Variants in BSND observed in about 807,000 individuals in gnomAD.
BSND encodes the protein barttin.
Under a neutral mutation model 18.8 loss-of-function variants are expected in BSND, and 13 were observed. The ratio of observed to expected loss-of-function variants is 0.69; its 90% CI spans 0.45 to 1.10. The LOEUF is 1.10. Among genes scored for constraint, BSND ranks in the 50% least tolerant of loss-of-function variants. The pLI is 0.00. For missense variants in BSND, 379 were observed against 416.7 expected, an observed-to-expected ratio of 0.91 and a Z score of 0.79; for synonymous variants, 170 against 161.8, an observed-to-expected ratio of 1.05 and a Z score of -0.39.
chr1:55,006,762 G>GA (rs1293301009), intron 2 of BSND, among the ~76,000 whole-genome samples: 3 of 152,202 alleles, frequency 2.0e-5, no homozygotes, highest in East Asian at 3.9e-4. Flanking sequence ...GGCATCAGGT[G>GA]AAAAAAACAC....
chr1:55,005,426 TAG>T (rs2101647809), intron 2 of BSND, among the ~76,000 whole-genome samples: 1 of 152,300 alleles, frequency 6.6e-6, no homozygotes, highest in Admixed American at 6.5e-5. Context: ...TACAGTGCAA[TAG>T]AGTCACAGGA....
intron 1 of BSND, among the ~76,000 whole-genome samples, chr1:54,999,921 G>T (rs759914): frequency 0.63 from 96,044 of 151,898 alleles, 32,659 homozygotes; most frequent in Non-Finnish European, 0.78. Context: ...AACCTTGGTG[G>T]CATGCACTGG....
chr1:55,013,970 T>C lies in BSND; in HGVS notation c.*5342T>C, dbSNP rs2100215129. 6.6e-6 allele frequency among the ~76,000 whole-genome samples: 1 copy of C among 152,246 alleles called. No homozygotes were observed. On this transcript the variant is annotated 3_prime_UTR_variant, in exon 4 of 4. Transcript: ENST00000651561. ...TGTTCCCTGGAGCCTGAATTAGCCC[T>C]GCTCTCCCCTTCCACGGTGGAATCC...
chr1:55,013,813 G>A lies in BSND; in HGVS notation c.*5185G>A, dbSNP rs967508109. 4.0e-4 allele frequency among the ~76,000 whole-genome samples: 61 copies of A among 152,118 alleles called. 1 individual carries two copies. Among genetic ancestry groups the A allele is most frequent in the Non-Finnish European group, 2.1e-4 (14 of 68,014 alleles). On this transcript the variant is annotated 3_prime_UTR_variant, in exon 4 of 4. Coordinates refer to ENST00000651561, the MANE Select transcript of BSND (RefSeq NM_057176.3). ...CTGGCCCCAACTGCCCCATCCAGCT[G>A]AATCATCTGCCATGTGCTCCCGTGC...
Position 55,009,558 on chromosome 1 carries a change from C to G in BSND, c.*930C>G, listed in dbSNP as rs964410006. The stretch of plus-strand genomic sequence containing the variant: ...TGTTGCAGATAAAATCACTCTCCCC[C>G]ACGTTCCCAACTTTTAGACTCACAG... On this transcript the variant is annotated 3_prime_UTR_variant, in exon 4 of 4. Coordinates refer to ENST00000651561, the MANE Select transcript of BSND (RefSeq NM_057176.3). 1.4e-4 allele frequency: 22 copies of G among 152,272 alleles called. No individual in the cohort carries two copies. Among genetic ancestry groups the G allele is most frequent in the African/African-American group, 4.8e-4 (20 of 41,462 alleles). The allele number at this position is 152,272 out of a possible 1,614,324, so 9.4% of individuals were successfully genotyped here.
chr1:55,006,828 C>A (rs1378664955), intron 2 of BSND, among the ~76,000 whole-genome samples, 169 bp from the exon 3 acceptor site: 1 of 152,124 alleles, frequency 6.6e-6, no homozygotes, highest in Non-Finnish European at 1.5e-5. Flanking sequence ...AATTAACTCA[C>A]CTTGCTGGGC....
Position 55,008,841 on chromosome 1 carries a change from T to A in BSND, c.*213T>A. 1.4e-6 allele frequency: 1 copy of A among 704,952 alleles called. No individual in the cohort carries two copies. The highest frequency in any genetic ancestry group is 2.3e-6 in the Non-Finnish European group (1 of 428,434). The allele number at this position is 704,952 out of a possible 1,614,324, so 43.7% of individuals were successfully genotyped here. ...TAGTTAGTGGTCTTTGGCCAACCTTTGAAGGCAAAATATGATTTGTTGAGG... is the reference window on the plus strand; with the variant it reads ...TAGTTAGTGGTCTTTGGCCAACCTTAGAAGGCAAAATATGATTTGTTGAGG... On this transcript the variant is annotated 3_prime_UTR_variant, in exon 4 of 4. Transcript: ENST00000651561.
In BSND at chr1:55,008,626, T is replaced by A; in HGVS notation, c.961T>A (p.Ter321ArgextTer6). Residue 321 changes from the stop codon to arginine, a stop_lost, in exon 4 of 4, where the codon TGA becomes AGA. Coordinates refer to ENST00000651561, the MANE Select transcript of BSND (RefSeq NM_057176.3). ...GGGTTTTGAGCCTGACACCCAAGGC[T>A]GAGATGTTTGTGCTCCGTAGCTTCT... ...ELGFEPDTQG[*>R] The A allele has an allele frequency of 6.2e-7, 1 of 1,613,414 alleles. No individual in the cohort carries two copies. Among genetic ancestry groups the A allele is most frequent in the East Asian group, 2.2e-5 (1 of 44,856 alleles).
In BSND at chr1:55,015,378, ACACCAGGGCCCTGGCCAAGG is replaced by A. The variant is rs1481500631; in HGVS notation, c.*6753_*6772del. 6.6e-6 allele frequency among the ~76,000 whole-genome samples: 1 copy of A among 152,192 alleles called. No homozygotes were observed. Among genetic ancestry groups the A allele is most frequent in the Non-Finnish European group, 1.5e-5 (1 of 68,026 alleles). On this transcript the variant is annotated 3_prime_UTR_variant, in exon 4 of 4. Coordinates refer to ENST00000651561, the MANE Select transcript of BSND (RefSeq NM_057176.3). The stretch of plus-strand genomic sequence containing the variant: ...GCAGAGGCTGTTGCTTCCCGCCAAG[ACACCAGGGCCCTGGCCAAGG>A]CAGTGCTCAGTTCACAGATGACCCA...
rs1644402166 is a variant in BSND, at chr1:55,008,333, C to T, written c.668C>T (p.Ser223Phe). 1.9e-6 allele frequency: 3 copies of T among 1,614,108 alleles called. No individual in the cohort carries two copies. The highest frequency in any genetic ancestry group is 1.7e-6 in the Non-Finnish European group (2 of 1,180,052). Residue 223 changes from serine (S) to phenylalanine (F), a missense_variant, in exon 4 of 4, where the codon TCC becomes TTC. Ser to Phe is a radical substitution (Grantham distance 155). Transcript: ENST00000651561. ...ASPHDREEAC[S>F]PQQEPQGCRC... ...CCACATGACAGGGAGGAAGCTTGTT[C>T]CCCACAACAGGAACCTCAGGGCTGC...
At chr1:55,007,632 G>A (rs183987720) in intron 3 of BSND, among the ~76,000 whole-genome samples, 398 of 152,212 alleles carry the variant, frequency 2.6e-3, no homozygotes, top group Middle Eastern at 6.8e-3. Context: ...AATGCTTGTC[G>A]TGAGTAGCAG....
chr1:55,002,001 G>A (rs749027113), intron 1 of BSND, among the ~76,000 whole-genome samples: 6 of 152,152 alleles, frequency 3.9e-5, no homozygotes, highest in Admixed American at 1.3e-4. Context: ...AATGGGACAC[G>A]ACCAGCTTTG....
chr1:55,009,508 C>T lies in BSND; in HGVS notation c.*880C>T, dbSNP rs1387700946. 1.3e-5 allele frequency: 2 copies of T among 152,138 alleles called. No individual in the cohort carries two copies. The highest frequency in any genetic ancestry group is 2.9e-5 in the Non-Finnish European group (2 of 68,050). The allele number at this position is 152,138 out of a possible 1,614,324, so 9.4% of individuals were successfully genotyped here. A position where few individuals can be genotyped will look rare whatever the true frequency, so the allele number is the denominator to read the frequency against. Reference sequence around the variant, plus strand: ...AGAATCGGTGGTCATCAAGGGTGTACAGAACTCACCAGGACCCAGGAACCT... The same window carrying T: ...AGAATCGGTGGTCATCAAGGGTGTATAGAACTCACCAGGACCCAGGAACCT... On this transcript the variant is annotated 3_prime_UTR_variant, in exon 4 of 4. Transcript: ENST00000651561.
chr1:55,000,841 G>T (rs1173153295), intron 1 of BSND, among the ~76,000 whole-genome samples: 1 of 152,228 alleles, frequency 6.6e-6, no homozygotes, highest in Non-Finnish European at 1.5e-5. Flanking sequence ...CAGTGAGGAG[G>T]CTGGACCCTG....
rs1472613461 is a variant in BSND, at chr1:55,015,365, G to T, written c.*6737G>T. Among the ~76,000 whole-genome samples the T allele has an allele frequency of 6.6e-6, 1 of 152,210 alleles. No homozygotes were observed. Among genetic ancestry groups the T allele is most frequent in the Non-Finnish European group, 1.5e-5 (1 of 68,032 alleles). The stretch of plus-strand genomic sequence containing the variant: ...AGGGAACCCTGTGGCAGAGGCTGTT[G>T]CTTCCCGCCAAGACACCAGGGCCCT... On this transcript the variant is annotated 3_prime_UTR_variant, in exon 4 of 4. Transcript: ENST00000651561.
At position 55,013,729 on chromosome 1, in the gene BSND, C is replaced by T. The variant is rs888478146; in HGVS notation, c.*5101C>T. 6.6e-6 allele frequency among the ~76,000 whole-genome samples: 1 copy of T among 152,156 alleles called. No homozygotes were observed. Among genetic ancestry groups the T allele is most frequent in the Non-Finnish European group, 1.5e-5 (1 of 68,034 alleles). ...CCCCTGCAACATCTTCCATGACTGC[C>T]TATTGCCCACAAGATAAAATTCAGA... On this transcript the variant is annotated 3_prime_UTR_variant, in exon 4 of 4. Transcript: ENST00000651561.
In BSND at chr1:55,012,004, C is replaced by G. The variant is rs951630768; in HGVS notation, c.*3376C>G. On this transcript the variant is annotated 3_prime_UTR_variant, in exon 4 of 4. Coordinates refer to ENST00000651561, the MANE Select transcript of BSND (RefSeq NM_057176.3). ...AGGTGTGTGTGCCAGGGTGAAAATT[C>G]CTGCTCTTGGTCACTCTCCTGTCAG... is the stretch of plus-strand genomic sequence containing the variant. Among the ~76,000 whole-genome samples, 1 of 152,128 alleles carries G rather than the reference C, an allele frequency of 6.6e-6. No homozygotes were observed. Among genetic ancestry groups the G allele is most frequent in the Admixed American group, 6.5e-5 (1 of 15,276 alleles).
chr1:55,004,091 A>G (rs1437502082), intron 1 of BSND, among the ~76,000 whole-genome samples: 2 of 152,220 alleles, frequency 1.3e-5, no homozygotes, highest in Non-Finnish European at 2.9e-5. Context: ...AGAAAAGTAG[A>G]ATCATACAGT....
chr1:55,008,054 C>T (rs1288347781), intron 3 of BSND, among the ~76,000 whole-genome samples, 160 bp from the exon 4 acceptor site: 1 of 152,200 alleles, frequency 6.6e-6, no homozygotes, highest in Non-Finnish European at 1.5e-5. Context: ...CTGCTGTAAA[C>T]CTAAGAAAGA....
Sources: gnomAD v4.1 joint callset for allele counts (sites outside exome capture counted in the v4.1 genomes callset) on GRCh38, gnomAD v4.1.1 for gene constraint, MANE v1.5 for transcripts, NCBI Gene and HGNC (gene_info 2026-07-23, HGNC 2026-07-21) for gene names.